FBXO4: variants seen among roughly 807,000 people sequenced by gnomAD.
FBXO4 encodes the protein F-box protein 4.
FBXO4 carries 36 observed loss-of-function variants against 43.7 expected under a neutral mutation model. That is an observed-to-expected ratio of 0.82 (90% CI 0.63 to 1.09). The LOEUF (loss-of-function observed/expected upper bound fraction) is 1.09. Among genes scored for constraint, FBXO4 ranks in the 50% least tolerant of loss-of-function variants. The pLI is 0.00. For missense variants in FBXO4, 435 were observed against 474.1 expected, an observed-to-expected ratio of 0.92 and a Z score of 0.77; for synonymous variants, 180 against 165.6, an observed-to-expected ratio of 1.09 and a Z score of -0.67.
At chr5:41,938,018 A>G (rs1449721341) in intron 5 of FBXO4, among the ~76,000 whole-genome samples, 2 of 152,234 alleles carry the variant, frequency 1.3e-5, no homozygotes, top group Non-Finnish European at 2.9e-5. Context: ...GATCTTCACT[A>G]TAAGAAATCT....
chr5:41,973,786 A>G, the FBXO4 span, among the ~76,000 whole-genome samples: 7 of 152,210 alleles, frequency 4.6e-5, no homozygotes, highest in Non-Finnish European at 7.3e-5. Context: ...TTACTTTTAC[A>G]TAAGCTATTA....
chr5:41,940,363 G>A (rs1276344699), intron 6 of FBXO4, among the ~76,000 whole-genome samples: 3 of 152,254 alleles, frequency 2.0e-5, no homozygotes, highest in African/African-American at 7.2e-5. Flanking sequence ...CTGGGTTCAA[G>A]TGATTCTCAT....
chr5:41,943,327 C>A (rs745804312), downstream of FBXO4, among the ~76,000 whole-genome samples: 2 of 152,126 alleles, frequency 1.3e-5, no homozygotes, highest in Non-Finnish European at 2.9e-5. Flanking sequence ...TGCATGCAAC[C>A]TCTGGAGTTG....
chr5:42,032,669 C>T, the FBXO4 span, among the ~76,000 whole-genome samples: 1 of 152,140 alleles, frequency 6.6e-6, no homozygotes, highest in Non-Finnish European at 1.5e-5. Context: ...GAAATGCCAT[C>T]CAACGTTCAA....
the FBXO4 span, among the ~76,000 whole-genome samples, chr5:41,983,676 AT>A: frequency 6.6e-6 from 1 of 151,806 alleles, no homozygotes; most frequent in Non-Finnish European, 1.5e-5. Context: ...AGGCAAACTG[AT>A]TTTGTGTTGA....
chr5:42,013,684 A>C, the FBXO4 span, among the ~76,000 whole-genome samples: 1 of 152,248 alleles, frequency 6.6e-6, no homozygotes, highest in African/African-American at 2.4e-5. Flanking sequence ...GCTGCAGGGC[A>C]GAAATAGGTT....
the FBXO4 span, among the ~76,000 whole-genome samples, chr5:42,027,008 C>G: frequency 6.6e-6 from 1 of 151,736 alleles, no homozygotes; most frequent in South Asian, 2.1e-4. Context: ...CTGTAGTTTT[C>G]TTTGTCTGAT....
the FBXO4 span, among the ~76,000 whole-genome samples, chr5:42,015,501 T>C: frequency 2.6e-5 from 4 of 152,188 alleles, no homozygotes; most frequent in African/African-American, 4.8e-5. Flanking sequence ...CTAGTGCTAT[T>C]ACCAGTTCAT....
chr5:41,936,303 C>T (rs560248569), intron 5 of FBXO4, among the ~76,000 whole-genome samples: 31 of 152,222 alleles, frequency 2.0e-4, no homozygotes, highest in African/African-American at 7.2e-4. Context: ...GAGGCCAAGG[C>T]GGGCAGATTG....
At chr5:41,981,924 G>C in the FBXO4 span, among the ~76,000 whole-genome samples, 2 of 138,854 alleles carry the variant, frequency 1.4e-5, no homozygotes, top group African/African-American at 5.4e-5. Flanking sequence ...AACAGTCCCT[G>C]GTGTGTGATG....
the FBXO4 span, among the ~76,000 whole-genome samples, chr5:42,025,556 T>C: frequency 6.6e-6 from 1 of 152,072 alleles, no homozygotes; most frequent in South Asian, 2.1e-4. Flanking sequence ...TGCGATCCCA[T>C]TTATTCATTT....
chr5:41,963,452 G>A, the FBXO4 span, among the ~76,000 whole-genome samples: 1 of 152,084 alleles, frequency 6.6e-6, no homozygotes, highest in African/African-American at 2.4e-5. Context: ...CAACGTGAGG[G>A]TTAGGGCTGA....
chr5:41,938,116 A>G (rs1751898754), intron 5 of FBXO4, among the ~76,000 whole-genome samples: 1 of 152,310 alleles, frequency 6.6e-6, no homozygotes, highest in South Asian at 2.1e-4. Context: ...GATGGAAACA[A>G]TGGAGCTATA....
chr5:42,015,465 C>G, the FBXO4 span, among the ~76,000 whole-genome samples: 1 of 152,134 alleles, frequency 6.6e-6, no homozygotes, highest in African/African-American at 2.4e-5. Context: ...GTCTTCTTCC[C>G]CATCCTCAGA....
the FBXO4 span, among the ~76,000 whole-genome samples, chr5:41,996,574 T>C: frequency 2.0e-5 from 3 of 152,212 alleles, no homozygotes; most frequent in Non-Finnish European, 2.9e-5. Flanking sequence ...CCTGGACCTA[T>C]TGCAGAGCCT....
chr5:41,990,335 A>T, the FBXO4 span, among the ~76,000 whole-genome samples: 44 of 152,350 alleles, frequency 2.9e-4, 1 homozygote, highest in African/African-American at 8.9e-4. Context: ...TCTATCAGAC[A>T]TTCAGCCTAT....
chr5:41,979,536 TG>T, the FBXO4 span, among the ~76,000 whole-genome samples: 7 of 152,318 alleles, frequency 4.6e-5, no homozygotes, highest in East Asian at 1.4e-3. Flanking sequence ...TAGTGTTTGA[TG>T]ATATCTGTGG....
At chr5:41,997,090 A>G in the FBXO4 span, among the ~76,000 whole-genome samples, 6 of 152,224 alleles carry the variant, frequency 3.9e-5, no homozygotes, top group Non-Finnish European at 8.8e-5. Context: ...TGCCAGTGGG[A>G]GGCAAAATGC....
chr5:41,964,282 T>C, the FBXO4 span, among the ~76,000 whole-genome samples: 5 of 152,198 alleles, frequency 3.3e-5, no homozygotes, highest in East Asian at 7.7e-4. Context: ...TTTTATTGCT[T>C]TCTTTGTAAA....
Sources: gnomAD v4.1 joint callset for allele counts (sites outside exome capture counted in the v4.1 genomes callset) on GRCh38, gnomAD v4.1.1 for gene constraint, MANE v1.5 for transcripts, NCBI Gene and HGNC (gene_info 2026-07-23, HGNC 2026-07-21) for gene names.